Variants in ZNF586 observed in about 807,000 individuals in gnomAD.
The protein encoded by ZNF586 is zinc finger protein 586.
A neutral mutation model predicts 6.7 loss-of-function variants in ZNF586; 7 were observed. The observed-to-expected ratio is 1.04, with a 90% CI of 0.59 to 1.95. The LOEUF is 1.95. ZNF586 is among the 30% of genes most tolerant of loss of function. The pLI is 0.00. For synonymous variants in ZNF586, 166 were observed against 168.7 expected (o/e 0.98, Z 0.12); for missense variants, 442 against 489.6 (o/e 0.90, Z 0.92).
intron 1 of ZNF586, among the ~76,000 whole-genome samples, chr19:57,775,974 G>C (rs1281386148): frequency 6.6e-6 from 1 of 152,200 alleles, no homozygotes; most frequent in Admixed American, 6.5e-5. Flanking sequence ...CTCAAGCGCT[G>C]AGCATATTTG....
At chr19:57,775,593 G>A (rs1987214467) in intron 1 of ZNF586, among the ~76,000 whole-genome samples, 1 of 145,872 alleles carries the variant, frequency 6.9e-6, no homozygotes, top group South Asian at 2.1e-4. Flanking sequence ...CACAATCCCT[G>A]GTTGCTCTTT....
rs1443250968 is a variant in ZNF586, at chr19:57,779,407, A to C, written c.820A>C (p.Ser274Arg). 2.5e-6 allele frequency: 4 copies of C among 1,613,782 alleles called. No homozygotes were observed. Among genetic ancestry groups the C allele is most frequent in the Middle Eastern group, 3.3e-4 (2 of 6,058 alleles). The stretch of plus-strand genomic sequence containing the variant: ...TGAGTGTGGAAAATCATTTCGCCGA[A>C]GCTCTTCACTCTTGCAGCATCAGAG... ...CVECGKSFRR[S>R]SSLLQHQRVH... Residue 274 changes from serine to arginine, a missense_variant, in exon 3 of 3, where the codon AGC becomes CGC. Coordinates refer to ENST00000396154, the MANE Select transcript of ZNF586 (RefSeq NM_017652.4).
intron 1 of ZNF586, among the ~76,000 whole-genome samples, chr19:57,775,856 C>T (rs62128156): frequency 6.6e-6 from 1 of 152,176 alleles, no homozygotes; most frequent in Non-Finnish European, 1.5e-5. Flanking sequence ...CCCGCCTCGG[C>T]GTCCCAAATT....
At position 57,780,088 on chromosome 19, in the gene ZNF586, A is replaced by G; in HGVS notation, c.*292A>G. The G allele has an allele frequency of 2.6e-6, 1 of 389,138 alleles. No individual in the cohort carries two copies. Among genetic ancestry groups the G allele is most frequent in the African/African-American group, 2.0e-5 (1 of 49,212 alleles). 24.1% of individuals were successfully genotyped at this position (389,138 alleles called of 1,614,324 possible). On this transcript the variant is annotated 3_prime_UTR_variant, in exon 3 of 3. Coordinates refer to ENST00000396154, the MANE Select transcript of ZNF586 (RefSeq NM_017652.4). ...AATATAACACTGGAGGAAACCCCTT[A>G]TGAGGATGCCATCTGCCTAAATTGA...
chr19:57,778,887 G>A lies in ZNF586; in HGVS notation c.300G>A (p.Lys100=), dbSNP rs1214775896. The A allele has an allele frequency of 6.2e-7, 1 of 1,614,088 alleles. No homozygotes were observed. The highest frequency in any genetic ancestry group is 8.5e-7 in the Non-Finnish European group (1 of 1,180,026). The change falls in exon 3 of 3, where the codon AAG becomes AAA. Residue 100 remains lysine, a synonymous_variant. Transcript: ENST00000396154. ...AATATAGGAAATTATTTAAGAACAA[G>A]TCCTGCCTCACTGAACCCAGAAGAG... ...CGEYRKLFKN[K]SCLTEPRRDH...
rs35585717 is a variant in ZNF586 at position 57,773,402 on chromosome 19, CT to C, written c.37-3122del. ...GAGGATACATCTGTTTCTTCTTCTTCTTTTTTTTTTTTTTTTTTTGAGACAG... is the reference window on the plus strand; with the variant it reads ...GAGGATACATCTGTTTCTTCTTCTTCTTTTTTTTTTTTTTTTTTGAGACAG... On this transcript the variant is annotated intron_variant, in intron 1 of 2. Coordinates refer to ENST00000396154, the MANE Select transcript of ZNF586 (RefSeq NM_017652.4). Among the ~76,000 whole-genome samples the C allele has an allele frequency of 3.7e-4, 34 of 92,792 alleles. 1 individual carries two copies. The highest frequency in any genetic ancestry group is 1.4e-3 in the East Asian group (4 of 2,942). The allele number at this position is 92,792 out of a possible 152,430, so 60.9% of individuals were successfully genotyped here. A position where few individuals can be genotyped will look rare whatever the true frequency, so the allele number is the denominator to read the frequency against.
At chr19:57,778,226 C>T (rs1271628524) in intron 2 of ZNF586, among the ~76,000 whole-genome samples, 3 of 152,006 alleles carry the variant, frequency 2.0e-5, no homozygotes, top group Non-Finnish European at 2.9e-5. Context: ...TGCATGCCAC[C>T]ACACCTGGCT....
intron 2 of ZNF586, among the ~76,000 whole-genome samples, chr19:57,777,842 G>A (rs146214373): frequency 0.017 from 2,165 of 125,706 alleles, 33 homozygotes; most frequent in Middle Eastern, 0.054. Context: ...TGCAACCTCC[G>A]CCTCCCAGGT....
rs1177789437 is a variant in ZNF586 at position 57,770,070 on chromosome 19, G to A, written c.36+192G>A. ...CAGAGCGAGACTGGCGGAGGGCAAA[G>A]GCCTGCAGGCGCGACTGAGGCAGGA... On this transcript the variant is annotated intron_variant, in intron 1 of 2. Transcript: ENST00000396154. Among the ~76,000 whole-genome samples, 3 of 152,168 alleles carry A rather than the reference G, an allele frequency of 2.0e-5. 1 individual carries two copies. The East Asian group carries it at 5.8e-4, about 29-fold the overall frequency.
intron 1 of ZNF586, chr19:57,774,657 T>C: frequency 1.6e-6 from 1 of 643,292 alleles, no homozygotes; most frequent in Non-Finnish European, 1.9e-6. Flanking sequence ...TGGTTCTTTT[T>C]GTCTGTGGAT....
At chr19:57,772,045 A>G (rs1318458211) in intron 1 of ZNF586, among the ~76,000 whole-genome samples, 1 of 152,064 alleles carries the variant, frequency 6.6e-6, no homozygotes, top group African/African-American at 2.4e-5. Flanking sequence ...GGCTGCCTCG[A>G]ACTCCTGACC....
rs755198751 is a variant in ZNF586 at position 57,776,546 on chromosome 19, A to G, written c.40A>G (p.Ser14Gly). 18 of 1,612,578 alleles carry G rather than the reference A, an allele frequency of 1.1e-5. No homozygotes were observed. The highest frequency in any genetic ancestry group is 1.5e-5 in the Non-Finnish European group (18 of 1,179,332). ...TCATCTATCCCCATCATAACAGAGC[A>G]GTGTGACCTTTGAAGATGTGGCTGT... is the stretch of plus-strand genomic sequence containing the variant. Reference protein sequence around the residue: ...AAALRAPAQSSVTFEDVAVNF... With the variant: ...AAALRAPAQSGVTFEDVAVNF... The change falls in exon 2 of 3, where the codon AGT becomes GGT. Residue 14 changes from serine (S) to glycine (G), a missense_variant. Ser to Gly is a moderately conservative substitution (Grantham distance 56). Coordinates refer to ENST00000396154, the MANE Select transcript of ZNF586 (RefSeq NM_017652.4).
intron 1 of ZNF586, among the ~76,000 whole-genome samples, chr19:57,770,912 G>A (rs1987079529): frequency 6.6e-6 from 1 of 151,866 alleles, no homozygotes; most frequent in Non-Finnish European, 1.5e-5. Flanking sequence ...TTGCGGTGAC[G>A]CGATCACGGC....
At chr19:57,770,094 G>C (rs1987053595) in intron 1 of ZNF586, among the ~76,000 whole-genome samples, 1 of 152,190 alleles carries the variant, frequency 6.6e-6, no homozygotes. Context: ...ACTGAGGCAG[G>C]AGGATGCGGA....
At chr19:57,775,769 AT>A (rs1426691188) in intron 1 of ZNF586, among the ~76,000 whole-genome samples, 5 of 151,894 alleles carry the variant, frequency 3.3e-5, no homozygotes, top group African/African-American at 9.7e-5. Context: ...TACCCAGCCA[AT>A]TTTTGTATTT....
At position 57,769,732 on chromosome 19, in the gene ZNF586, T is replaced by A; in HGVS notation, c.-111T>A. 8.6e-7 allele frequency: 1 copy of A among 1,156,320 alleles called. No individual in the cohort carries two copies. Among genetic ancestry groups the A allele is most frequent in the Non-Finnish European group, 1.3e-6 (1 of 798,852 alleles). The allele number at this position is 1,156,320 out of a possible 1,614,324, so 71.6% of individuals were successfully genotyped here. ...TGGACGAGCTCGGGAGGAGTGGTTG[T>A]GGCCATTGCACACAGGCGGATCTGA... On this transcript the variant is annotated 5_prime_UTR_variant, in exon 1 of 3. The change creates a premature stop within an existing upstream ORF in the 5' untranslated region. Coordinates refer to ENST00000396154, the MANE Select transcript of ZNF586 (RefSeq NM_017652.4).
At chr19:57,770,911 C>A (rs991296293) in intron 1 of ZNF586, among the ~76,000 whole-genome samples, 1 of 151,818 alleles carries the variant, frequency 6.6e-6, no homozygotes, top group Non-Finnish European at 1.5e-5. Flanking sequence ...GTTGCGGTGA[C>A]GCGATCACGG....
intron 1 of ZNF586, chr19:57,774,875 G>A (rs1198285047): frequency 4.9e-6 from 2 of 407,144 alleles, no homozygotes; most frequent in East Asian, 1.6e-4. Flanking sequence ...CATGGTCTGA[G>A]TGCAAATCTC....
Position 57,771,544 on chromosome 19 carries a change from C to T in ZNF586, c.36+1666C>T, listed in dbSNP as rs118013364. Among the ~76,000 whole-genome samples the T allele has an allele frequency of 3.7e-3, 561 of 152,270 alleles. 1 individual carries two copies. Among genetic ancestry groups the T allele is most frequent in the Non-Finnish European group, 6.2e-3 (420 of 68,026 alleles). On this transcript the variant is annotated intron_variant, in intron 1 of 2. Coordinates refer to ENST00000396154, the MANE Select transcript of ZNF586 (RefSeq NM_017652.4). Reference sequence around the variant, plus strand: ...TGACATAGGTTATGGGGAGTTGTTGCTATGTCTGTCAACTAATGTAACACA... The same window carrying T: ...TGACATAGGTTATGGGGAGTTGTTGTTATGTCTGTCAACTAATGTAACACA...
Sources: allele counts gnomAD v4.1 joint callset (sites outside exome capture counted in the v4.1 genomes callset), GRCh38; gene constraint gnomAD v4.1.1; transcripts MANE v1.5; gene names NCBI Gene and HGNC (gene_info 2026-07-23, HGNC 2026-07-21).